Variants in MAST4 observed in about 807,000 individuals in gnomAD.
MAST4 encodes the protein microtubule associated serine/threonine kinase family member 4, also known as microtubule-associated serine/threonine-protein kinase 4.
Under a neutral mutation model 162.7 loss-of-function variants are expected in MAST4, and 89 were observed. The ratio of observed to expected loss-of-function variants is 0.55; its 90% CI spans 0.46 to 0.65. The LOEUF (loss-of-function observed/expected upper bound fraction) is 0.65, where lower values mean the gene tolerates loss of function less well. Ranked by LOEUF, MAST4 falls within the 30% of genes least tolerant of loss-of-function variation. MAST4 has a pLI of 0.00. For missense variants in MAST4, 3,153 were observed against 3,374.0 expected, an observed-to-expected ratio of 0.93 and a Z score of 1.62; for synonymous variants, 1,479 against 1,361.1, an observed-to-expected ratio of 1.09 and a Z score of -1.91.
chr5:66,705,816 A>G (rs1390182571), intron 1 of MAST4, among the ~76,000 whole-genome samples: 1 of 152,226 alleles, frequency 6.6e-6, no homozygotes, highest in Non-Finnish European at 1.5e-5. Flanking sequence ...ATGAATAGCT[A>G]GCACTTTTGA....
At chr5:66,897,965 T>C (rs1282453507) in intron 3 of MAST4, among the ~76,000 whole-genome samples, 1 of 152,252 alleles carries the variant, frequency 6.6e-6, no homozygotes, top group Non-Finnish European at 1.5e-5. Flanking sequence ...GTCCCTTTCC[T>C]CTTATATCTT....
chr5:67,039,101 T>G (rs16896175), intron 4 of MAST4, among the ~76,000 whole-genome samples: 6,567 of 152,272 alleles, frequency 0.043, 494 homozygotes, highest in African/African-American at 0.15. Flanking sequence ...TTAACTGCAT[T>G]GTTGTTTTCA....
At chr5:67,036,630 A>G (rs1444705925) in intron 4 of MAST4, among the ~76,000 whole-genome samples, 4 of 152,326 alleles carry the variant, frequency 2.6e-5, no homozygotes, top group East Asian at 1.9e-4. Flanking sequence ...TAGGGTTCCT[A>G]TAACACCTAA....
intron 5 of MAST4, among the ~76,000 whole-genome samples, chr5:67,073,071 G>C (rs1007015457): frequency 6.6e-6 from 1 of 152,132 alleles, no homozygotes; most frequent in African/African-American, 2.4e-5. Context: ...CACTCTGTCT[G>C]GTTTAAGCAG....
intron 1 of MAST4, among the ~76,000 whole-genome samples, chr5:66,738,737 G>A (rs1025939551): frequency 9.8e-5 from 15 of 152,292 alleles, no homozygotes; most frequent in African/African-American, 2.4e-4. Context: ...CTGCTTTCTC[G>A]GATCTTGATT....
intron 4 of MAST4, among the ~76,000 whole-genome samples, chr5:66,981,431 G>A (rs181889641): frequency 1.6e-4 from 24 of 152,276 alleles, no homozygotes; most frequent in East Asian, 1.2e-3. Flanking sequence ...CTGAGGCTCC[G>A]TCTGGGACTT....
At chr5:66,860,085 G>A (rs979246944) in intron 3 of MAST4, among the ~76,000 whole-genome samples, 13 of 152,224 alleles carry the variant, frequency 8.5e-5, no homozygotes, top group African/African-American at 2.4e-4. Context: ...TGGGGTGGTA[G>A]TGAGGAGCAC....
chr5:67,156,061 G>GAA (rs535974856), intron 26 of MAST4, among the ~76,000 whole-genome samples: 26 of 83,690 alleles, frequency 3.1e-4, no homozygotes, highest in Admixed American at 6.2e-4. Flanking sequence ...TCCGTCTCAA[G>GAA]AAAAAAAAAA....
At chr5:66,888,050 AAAAAAT>A (rs1317809856) in intron 3 of MAST4, among the ~76,000 whole-genome samples, 1 of 152,188 alleles carries the variant, frequency 6.6e-6, no homozygotes, top group African/African-American at 2.4e-5. Flanking sequence ...CTACTAAAAA[AAAAAAT>A]AAAAATAAAA....
intron 2 of MAST4, among the ~76,000 whole-genome samples, chr5:66,784,733 G>T (rs1755032748): frequency 6.6e-6 from 1 of 152,226 alleles, no homozygotes; most frequent in South Asian, 2.1e-4. Context: ...GGTGGAGGAT[G>T]CAGGTCTTAC....
rs182369893 is a variant in MAST4, at chr5:67,137,070, C to T, written c.2494+406C>T. ...TGTTTTTGTCTTTAAATATACATCC[C>T]CATACGGATTTGACCCAGCACGTTA... On this transcript the variant is annotated intron_variant, in intron 19 of 28. Transcript: ENST00000403625. Among the ~76,000 whole-genome samples, 134 of 152,232 alleles carry T rather than the reference C, an allele frequency of 8.8e-4. 1 individual carries two copies. The highest frequency in any genetic ancestry group is 2.9e-3 in the African/African-American group (120 of 41,536).
intron 4 of MAST4, among the ~76,000 whole-genome samples, chr5:67,037,175 A>G (rs1004683916): frequency 1.3e-5 from 2 of 152,078 alleles, no homozygotes; most frequent in African/African-American, 4.8e-5. Flanking sequence ...TAGGAGAATC[A>G]CTTGAGCCCA....
intron 1 of MAST4, among the ~76,000 whole-genome samples, chr5:66,657,838 G>A (rs919839330): frequency 2.0e-5 from 3 of 152,162 alleles, no homozygotes; most frequent in African/African-American, 7.2e-5. Flanking sequence ...CACAGAAATG[G>A]TTAAATGGAC....
intron 10 of MAST4, among the ~76,000 whole-genome samples, chr5:67,105,958 C>G (rs1765549060): frequency 6.6e-6 from 1 of 152,176 alleles, no homozygotes; most frequent in African/African-American, 2.4e-5. Flanking sequence ...TACCCCTCAA[C>G]TCACTGACAT....
chr5:67,045,020 GGAC>G (rs1326983856), intron 4 of MAST4, among the ~76,000 whole-genome samples: 1 of 152,002 alleles, frequency 6.6e-6, no homozygotes, highest in Admixed American at 6.6e-5. Context: ...CAGTAGTATT[GGAC>G]TATATTATGT....
intron 1 of MAST4, among the ~76,000 whole-genome samples, chr5:66,705,702 A>G (rs1268883731): frequency 1.3e-5 from 2 of 152,196 alleles, no homozygotes; most frequent in African/African-American, 2.4e-5. Flanking sequence ...TAATCAGAAG[A>G]TATGTTTTCT....
rs138545133 is a variant in MAST4 at position 66,857,220 on chromosome 5, C to T, written c.643-42731C>T. ...TTTTAGATATCTACATTGATTCATACAGGTTTAGTTCATTCATTTTAAGTG... is the reference window on the plus strand; with the variant it reads ...TTTTAGATATCTACATTGATTCATATAGGTTTAGTTCATTCATTTTAAGTG... On this transcript the variant is annotated intron_variant, in intron 3 of 28. Coordinates refer to ENST00000403625, the MANE Select transcript of MAST4 (RefSeq NM_001164664.2). 8.2e-3 allele frequency among the ~76,000 whole-genome samples: 1,248 copies of T among 152,274 alleles called. 13 individuals are homozygous for T. The highest frequency in any genetic ancestry group is 0.014 in the Non-Finnish European group (937 of 68,022).
chr5:67,120,266 A>G (rs1261154271), intron 13 of MAST4, among the ~76,000 whole-genome samples: 1 of 152,152 alleles, frequency 6.6e-6, no homozygotes, highest in Non-Finnish European at 1.5e-5. Context: ...GAGTGGGATG[A>G]CAGGGTCAGT....
intron 1 of MAST4, among the ~76,000 whole-genome samples, chr5:66,709,645 G>A (rs1479968772): frequency 6.6e-6 from 1 of 152,052 alleles, no homozygotes; most frequent in African/African-American, 2.4e-5. Context: ...GGCCAAATTG[G>A]CATTCTGGCT....
Sources: allele counts gnomAD v4.1 joint callset (sites outside exome capture counted in the v4.1 genomes callset), GRCh38; gene constraint gnomAD v4.1.1; transcripts MANE v1.5; gene names NCBI Gene and HGNC (gene_info 2026-07-23, HGNC 2026-07-21).